The following PLSCR4 variants were observed in gnomAD, a reference collection of about 807,000 sequenced individuals.
PLSCR4 encodes the protein Ca(2+)-dependent phospholipid scramblase 4.
In PLSCR4, 25 loss-of-function variants were observed where a neutral mutation model predicts 36.3. The observed-to-expected ratio is 0.69, with a 90% CI of 0.50 to 0.96. The LOEUF is 0.96. Among genes scored for constraint, PLSCR4 ranks in the 40% least tolerant of loss-of-function variants. PLSCR4 has a pLI of 0.00. For missense variants in PLSCR4, 408 were observed against 414.7 expected (o/e 0.98, Z 0.14); for synonymous variants, 122 against 132.9 (o/e 0.92, Z 0.56).
intron 1 of PLSCR4, chr3:146,250,446 G>A (rs1370108190): frequency 6.6e-6 from 1 of 152,090 alleles, no homozygotes; most frequent in East Asian, 1.9e-4. Context: ...ATCAAGCACA[G>A]CCCCAAATCG....
At position 146,206,667 on chromosome 3, in the gene PLSCR4, C is replaced by T. The variant is rs143201630; in HGVS notation, c.213G>A (p.Leu71=). The change falls in exon 4 of 9, where the codon TTG becomes TTA. Residue 71 remains leucine, a synonymous_variant. Transcript: ENST00000354952. ...YSPQQPSTFP[L]YQPVGGIHPV... ...GATGGATACCACCAACTGGCTGGTA[C>T]AAAGGGAAGGTACTGGGTTGCTGTG... 6.2e-7 allele frequency: 1 copy of T among 1,613,192 alleles called. No individual in the cohort carries two copies. Among genetic ancestry groups the T allele is most frequent in the African/African-American group, 1.3e-5 (1 of 74,854 alleles).
intron 2 of PLSCR4, among the ~76,000 whole-genome samples, chr3:146,221,296 T>C (rs1015160191): frequency 1.3e-5 from 2 of 152,046 alleles, no homozygotes; most frequent in Admixed American, 1.3e-4. Context: ...ATTTATAGAG[T>C]GAAGTTGATT....
At position 146,214,969 on chromosome 3, in the gene PLSCR4, T is replaced by A. The variant is rs142158458; in HGVS notation, c.118+5846A>T. Among the ~76,000 whole-genome samples the A allele has an allele frequency of 4.2e-3, 637 of 152,278 alleles. 2 individuals are homozygous for A. Among genetic ancestry groups the A allele is most frequent in the Non-Finnish European group, 7.0e-3 (478 of 67,990 alleles). ...TTGGAGCATTGTTTTTATGTGTATA[T>A]ATGAATACACTCATTCTGTCTTGAT... On this transcript the variant is annotated intron_variant, in intron 3 of 8. Coordinates refer to ENST00000354952, the MANE Select transcript of PLSCR4 (RefSeq NM_020353.3).
intron 1 of PLSCR4, among the ~76,000 whole-genome samples, chr3:146,226,567 T>C (rs752182172): frequency 6.6e-6 from 1 of 152,230 alleles, no homozygotes; most frequent in Non-Finnish European, 1.5e-5. Flanking sequence ...TATTAATTTT[T>C]AAATATTTAA....
At chr3:146,224,347 A>G (rs1404792605) in intron 1 of PLSCR4, among the ~76,000 whole-genome samples, 1 of 152,226 alleles carries the variant, frequency 6.6e-6, no homozygotes, top group Non-Finnish European at 1.5e-5. Context: ...AGCACAACAG[A>G]AAAAGCAAAT....
intron 1 of PLSCR4, among the ~76,000 whole-genome samples, chr3:146,228,777 A>G (rs1445637230): frequency 6.6e-6 from 1 of 152,202 alleles, no homozygotes; most frequent in Admixed American, 6.5e-5. Context: ...CTGTATTAGT[A>G]CAGTACTTCA....
chr3:146,196,700 T>G lies in PLSCR4; in HGVS notation c.718A>C (p.Lys240Gln). The change falls in exon 7 of 9, where the codon AAA (lysine) becomes CAA (glutamine). Residue 240 changes from lysine (K) to glutamine (Q), a missense_variant. Lys to Gln is a moderately conservative substitution (Grantham distance 53). Coordinates refer to ENST00000354952, the MANE Select transcript of PLSCR4 (RefSeq NM_020353.3). ...CCACGAACTCTCATCACATTTTCTTTCTTCTCATTTTGGATGCTGTACACC... is the reference window on the plus strand; with the variant it reads ...CCACGAACTCTCATCACATTTTCTTGCTTCTCATTTTGGATGCTGTACACC... Reference protein sequence around the residue: ...RAVYSIQNEKKENVMRVRGPC... With the variant: ...RAVYSIQNEKQENVMRVRGPC... 1 of 1,614,050 alleles carries G rather than the reference T, an allele frequency of 6.2e-7. No homozygotes were observed. The highest frequency in any genetic ancestry group is 1.1e-5 in the South Asian group (1 of 91,084).
chr3:146,243,078 A>G (rs2036212788), intron 1 of PLSCR4, among the ~76,000 whole-genome samples: 1 of 152,178 alleles, frequency 6.6e-6, no homozygotes, highest in Admixed American at 6.5e-5. Flanking sequence ...AAACCTGGAA[A>G]GTTCCTAATT....
intron 1 of PLSCR4, among the ~76,000 whole-genome samples, chr3:146,226,529 T>C (rs1435323201): frequency 6.6e-6 from 1 of 152,228 alleles, no homozygotes; most frequent in Admixed American, 6.5e-5. Context: ...TAACAACTGC[T>C]GAATCTCAGT....
At chr3:146,227,911 C>A (rs753345099) in intron 1 of PLSCR4, among the ~76,000 whole-genome samples, 9 of 152,336 alleles carry the variant, frequency 5.9e-5, no homozygotes, top group Non-Finnish European at 1.0e-4. Context: ...AGATTATATT[C>A]TTTGTCCATC....
intron 3 of PLSCR4, among the ~76,000 whole-genome samples, chr3:146,212,557 C>T (rs1576463703): frequency 1.3e-5 from 2 of 150,606 alleles, no homozygotes; most frequent in East Asian, 3.9e-4. Flanking sequence ...CTCAATTGAT[C>T]CTTCTACCCT....
At chr3:146,212,498 T>C (rs1054649304) in intron 3 of PLSCR4, among the ~76,000 whole-genome samples, 1 of 148,968 alleles carries the variant, frequency 6.7e-6, no homozygotes, top group Non-Finnish European at 1.5e-5. Context: ...TCACCCAGGC[T>C]GAAGTGCAGT....
chr3:146,236,763 C>T (rs973185337), intron 1 of PLSCR4, among the ~76,000 whole-genome samples: 2 of 151,626 alleles, frequency 1.3e-5, no homozygotes, highest in Admixed American at 6.6e-5. Context: ...TTATCAGCAG[C>T]GTGAAAATGG....
chr3:146,201,030 C>T lies in PLSCR4; in HGVS notation c.397+5G>A, dbSNP rs1310214516. On this transcript the variant is annotated splice_donor_5th_base_variant and intron_variant, in intron 5 of 8. Transcript: ENST00000354952. ...ACTGCTGAGCACTACAAAAATTATA[C>T]ATACTTTCCAGAGGCTCAAAATGCT... 1.9e-6 allele frequency: 3 copies of T among 1,549,074 alleles called. No individual in the cohort carries two copies. Among genetic ancestry groups the T allele is most frequent in the Non-Finnish European group, 1.7e-6 (2 of 1,149,310 alleles).
intron 1 of PLSCR4, among the ~76,000 whole-genome samples, chr3:146,233,784 A>T (rs182914686): frequency 6.6e-6 from 1 of 152,154 alleles, no homozygotes; most frequent in Admixed American, 6.5e-5. Flanking sequence ...AGGCCAACTT[A>T]GTATTCTACA....
intron 3 of PLSCR4, among the ~76,000 whole-genome samples, chr3:146,211,845 A>G (rs2034639337): frequency 6.6e-6 from 1 of 152,118 alleles, no homozygotes; most frequent in African/African-American, 2.4e-5. Context: ...ACATGCTTGT[A>G]AAAAATCAGT....
chr3:146,195,424 A>T, intron 7 of PLSCR4, 142 bp from the exon 8 acceptor site: 1 of 680,524 alleles, frequency 1.5e-6, no homozygotes, highest in South Asian at 2.0e-5. Flanking sequence ...AATAATGGCC[A>T]AAAAGGGTTA....
In PLSCR4 at chr3:146,193,899, A is replaced by C. The variant is rs989148269; in HGVS notation, c.*512T>G. 6 of 152,302 alleles carry C rather than the reference A, an allele frequency of 3.9e-5. No homozygotes were observed. The highest frequency in any genetic ancestry group is 1.2e-4 in the African/African-American group (5 of 41,480). The allele number at this position is 152,302 out of a possible 1,614,324, so 9.4% of individuals were successfully genotyped here. A position where few individuals can be genotyped will look rare whatever the true frequency, so the allele number is the denominator to read the frequency against. On this transcript the variant is annotated 3_prime_UTR_variant, in exon 9 of 9. Transcript: ENST00000354952. Reference sequence around the variant, plus strand: ...ATATGTGTACAAGTAGTACCTTCTTAGTGCAAGAAAACATCATTATTTCTG... The same window carrying C: ...ATATGTGTACAAGTAGTACCTTCTTCGTGCAAGAAAACATCATTATTTCTG...
intron 1 of PLSCR4, among the ~76,000 whole-genome samples, chr3:146,224,682 C>G (rs111678976): frequency 1.4e-4 from 22 of 152,044 alleles, no homozygotes; most frequent in African/African-American, 4.6e-4. Context: ...GAAGGGGACC[C>G]GAGCGGGTTG....
Sources: allele counts gnomAD v4.1 joint callset (sites outside exome capture counted in the v4.1 genomes callset), GRCh38; gene constraint gnomAD v4.1.1; transcripts MANE v1.5; gene names NCBI Gene and HGNC (gene_info 2026-07-23, HGNC 2026-07-21).